The following DNAH5 variants were observed in gnomAD, a reference collection of about 807,000 sequenced individuals.
DNAH5 encodes the protein axonemal beta dynein heavy chain 5.
DNAH5 carries 372 observed loss-of-function variants against 518.2 expected under a neutral mutation model. The observed-to-expected ratio is 0.72, with a 90% CI of 0.66 to 0.78. The LOEUF (loss-of-function observed/expected upper bound fraction) is 0.78, where lower values mean the gene tolerates loss of function less well. Ranked by LOEUF, DNAH5 falls within the 30% of genes least tolerant of loss-of-function variation. DNAH5 has a pLI of 0.00. For synonymous variants in DNAH5, 2,039 were observed against 2,025.9 expected (o/e 1.01, Z -0.17); for missense variants, 5,523 against 5,687.0 (o/e 0.97, Z 0.93).
At chr5:13,927,499 C>T (rs1778008957) in intron 3 of DNAH5, among the ~76,000 whole-genome samples, 1 of 151,936 alleles carries the variant, frequency 6.6e-6, no homozygotes, top group Non-Finnish European at 1.5e-5. Flanking sequence ...CAGAGCGAGA[C>T]TCTGTCTCAA....
In DNAH5 at chr5:13,814,706, A is replaced by G. The variant is rs1159051964; in HGVS notation, c.7129T>C (p.Phe2377Leu). 1.9e-6 allele frequency: 3 copies of G among 1,613,988 alleles called. No individual in the cohort carries two copies. The highest frequency in any genetic ancestry group is 2.5e-6 in the Non-Finnish European group (3 of 1,179,976). Residue 2377 changes from phenylalanine to leucine, a missense_variant, in exon 43 of 79, where the codon TTC (phenylalanine) becomes CTC (leucine). By Grantham distance (22) the Phe-to-Leu change is conservative. Around this residue, in one of 3 missense-constraint regions of DNAH5, gnomAD observed 5,121 missense variants for 5,223.3 expected, o/e 0.98. Coordinates refer to ENST00000265104, the MANE Select transcript of DNAH5 (RefSeq NM_001369.3). ...IPMAPNCKII[F>L]EPHNIDNASP... is the part of the protein sequence containing the mutation. The stretch of plus-strand genomic sequence containing the variant: ...GCATTGTCAATGTTATGAGGCTCGA[A>G]AATGATCTTGCAGTTTGGAGCCATG...
intron 64 of DNAH5, 128 bp downstream of exon 64, chr5:13,752,006 G>A (rs941302496): frequency 3.2e-5 from 31 of 983,972 alleles, no homozygotes; most frequent in Non-Finnish European, 5.0e-5. Context: ...AAGTGTAGAA[G>A]AGAAAAACAA....
At position 13,776,652 on chromosome 5, in the gene DNAH5, A is replaced by T. The variant is rs1323156965; in HGVS notation, c.9160T>A (p.Ser3054Thr). 1.2e-6 allele frequency: 2 copies of T among 1,613,876 alleles called. No homozygotes were observed. The highest frequency in any genetic ancestry group is 4.5e-5 in the East Asian group (2 of 44,872). ...CTGGGGAATTCTTTTTTCATGACTG[A>T]TGCCAGGTCGCTATTAATTTCATCA... ...EIDEINSDLA[S>T]VMKKEFPRCL... Residue 3054 changes from serine to threonine, a missense_variant, in exon 55 of 79, where the codon TCA (serine) becomes ACA (threonine). Ser to Thr is a moderately conservative substitution (Grantham distance 58). Around this residue, in one of 3 missense-constraint regions of DNAH5, gnomAD observed 5,121 missense variants for 5,223.3 expected, o/e 0.98. Transcript: ENST00000265104.
chr5:13,715,928 C>T (rs1466758704), intron 74 of DNAH5, among the ~76,000 whole-genome samples: 3 of 152,180 alleles, frequency 2.0e-5, no homozygotes, highest in Non-Finnish European at 2.9e-5. Context: ...ACAGGCCAGC[C>T]CCCTACAACA....
chr5:13,862,585 C>T lies in DNAH5; in HGVS notation c.4759G>A (p.Asp1587Asn), dbSNP rs1165451852. The change falls in exon 29 of 79, where the codon GAC (aspartate) becomes AAC (asparagine). Residue 1587 changes from aspartate (D) to asparagine (N), a missense_variant. This residue lies in a region of DNAH5 where 5,121 missense variants were observed against 5,223.3 expected (regional missense o/e 0.98). Transcript: ENST00000265104. The stretch of plus-strand genomic sequence containing the variant: ...AGGGATCCCAGCAACATCAAGCTGT[C>T]CTCCATGTTGGCGATGATTTCCGAG... Reference protein sequence around the residue: ...STSEIIANMEDSLMLLGSLLS... With the variant: ...STSEIIANMENSLMLLGSLLS... 5.6e-6 allele frequency: 9 copies of T among 1,613,854 alleles called. No individual in the cohort carries two copies. The African/African-American group carries it at 1.1e-4, about 19-fold the overall frequency.
chr5:13,844,908 C>A lies in DNAH5; in HGVS notation c.5200G>T (p.Asp1734Tyr). The A allele has an allele frequency of 1.9e-6, 3 of 1,614,156 alleles. No individual in the cohort carries two copies. Among genetic ancestry groups the A allele is most frequent in the Non-Finnish European group, 2.5e-6 (3 of 1,180,016 alleles). The change falls in exon 32 of 79, where the codon GAC becomes TAC. Residue 1734 changes from aspartate (D) to tyrosine (Y), a missense_variant. By Grantham distance (160) the Asp-to-Tyr change is radical. Transcript: ENST00000265104. ...ALLEILGQAS[D>Y]SHTIQAHLLN... ...AAATGGGCCTGTATAGTGTGGGAGT[C>A]CGACGCCTGCCCCAGAATCTCTAGA...
At chr5:13,925,824 C>T (rs1777808937) in intron 3 of DNAH5, among the ~76,000 whole-genome samples, 2 of 152,124 alleles carry the variant, frequency 1.3e-5, no homozygotes, top group African/African-American at 4.8e-5. Context: ...TAAAGTGTTC[C>T]TACTTTTACC....
At chr5:13,963,968 G>A (rs934974258) in intron 1 of DNAH5, among the ~76,000 whole-genome samples, 4 of 151,916 alleles carry the variant, frequency 2.6e-5, no homozygotes, top group African/African-American at 9.7e-5. Context: ...GCACACAACC[G>A]CAAACTTCAA....
chr5:13,795,396 C>T (rs1041236090), intron 47 of DNAH5, among the ~76,000 whole-genome samples: 20 of 152,126 alleles, frequency 1.3e-4, no homozygotes, highest in Non-Finnish European at 2.5e-4. Flanking sequence ...GAAATAAAAA[C>T]TACCATCAGA....
In DNAH5 at chr5:13,923,334, C is replaced by T. The variant is rs201109037; in HGVS notation, c.384G>A (p.Val128=). 1 of 1,614,008 alleles carries T rather than the reference C, an allele frequency of 6.2e-7. No individual in the cohort carries two copies. The highest frequency in any genetic ancestry group is 8.5e-7 in the Non-Finnish European group (1 of 1,180,000). The change falls in exon 4 of 79, where the codon GTG becomes GTA. Residue 128 remains valine, a synonymous_variant. Coordinates refer to ENST00000265104, the MANE Select transcript of DNAH5 (RefSeq NM_001369.3). ...TGGAAGGGTCAGTCCTGATGAAGAA[C>T]ACACATACCCCAGTAAGAGCCACAT... ...GNDVALTGVC[V]FFIRTDPSKA... is the part of the protein sequence containing the mutation.
At chr5:13,756,689 T>TAC (rs1561185589) in intron 61 of DNAH5, among the ~76,000 whole-genome samples, 2 of 151,558 alleles carry the variant, frequency 1.3e-5, no homozygotes, top group Non-Finnish European at 2.9e-5. Context: ...CAGATAAGTG[T>TAC]TACTTCTTTT....
At chr5:13,724,491 A>T (rs1745461500) in intron 70 of DNAH5, among the ~76,000 whole-genome samples, 1 of 152,218 alleles carries the variant, frequency 6.6e-6, no homozygotes. Context: ...TTGATGCTGT[A>T]ACAAGTTAAG....
Position 13,830,611 on chromosome 5 carries a change from C to G in DNAH5, c.6047G>C (p.Gly2016Ala). ...ATAACCCATACCCTTAAAAATCCGT[C>G]CAAGTCCTCGGAAATCCATCTGGTC... Reference protein sequence around the residue: ...CSDQMDFRGLGRIFKGLAQSG... With the variant: ...CSDQMDFRGLARIFKGLAQSG... The change falls in exon 36 of 79, where the codon GGA (glycine) becomes GCA (alanine). Residue 2016 changes from glycine (G) to alanine (A), a missense_variant. Around this residue, in one of 3 missense-constraint regions of DNAH5, gnomAD observed 5,121 missense variants for 5,223.3 expected, o/e 0.98. Coordinates refer to ENST00000265104, the MANE Select transcript of DNAH5 (RefSeq NM_001369.3). The G allele has an allele frequency of 6.2e-7, 1 of 1,614,192 alleles. No homozygotes were observed. The highest frequency in any genetic ancestry group is 1.3e-5 in the African/African-American group (1 of 75,046).
intron 15 of DNAH5, chr5:13,899,558 A>G (rs2151960007): frequency 6.6e-6 from 1 of 152,594 alleles, no homozygotes; most frequent in African/African-American, 2.4e-5. Flanking sequence ...TTAAATGGGA[A>G]CTACTGATTC....
intron 1 of DNAH5, among the ~76,000 whole-genome samples, chr5:13,949,795 C>G (rs1780237337): frequency 6.6e-6 from 1 of 152,234 alleles, no homozygotes; most frequent in Non-Finnish European, 1.5e-5. Flanking sequence ...TAAGAAGTAT[C>G]TCTGTCTTCC....
intron 30 of DNAH5, among the ~76,000 whole-genome samples, chr5:13,856,681 C>T (rs1767681423): frequency 6.6e-6 from 1 of 152,194 alleles, no homozygotes; most frequent in South Asian, 2.1e-4. Context: ...ATCAAGTCAG[C>T]TTCATCCCTG....
chr5:13,701,417 G>A lies in DNAH5; in HGVS notation c.13358C>T (p.Thr4453Ile), dbSNP rs780719985. 29 of 1,612,236 alleles carry A rather than the reference G, an allele frequency of 1.8e-5. No individual in the cohort carries two copies. The highest frequency in any genetic ancestry group is 3.3e-5 in the Admixed American group (2 of 59,956). The stretch of plus-strand genomic sequence containing the variant: ...AAGTTCAGTAAACCAGAAACCCAGT[G>A]TACTAGAAATCCAAGAAGCCTGCAA... The part of the protein sequence containing the change: ...WWKKASWISS[T>I]LGFWFTELIE... Residue 4453 changes from threonine to isoleucine, a missense_variant, in exon 77 of 79, where the codon ACA (threonine) becomes ATA (isoleucine). Transcript: ENST00000265104.
At chr5:13,692,206 T>A in intron 78 of DNAH5, 71 bp from the exon 79 acceptor site, 1 of 1,535,388 alleles carries the variant, frequency 6.5e-7, no homozygotes, top group South Asian at 1.1e-5. Flanking sequence ...TGCAGAGCCA[T>A]GCTTCTGCAT....
intron 65 of DNAH5, among the ~76,000 whole-genome samples, chr5:13,747,079 C>T (rs954725945): frequency 1.3e-5 from 2 of 151,932 alleles, no homozygotes; most frequent in African/African-American, 4.8e-5. Context: ...TGAAGTTCCC[C>T]TTCCTGTGTC....
Sources: allele counts gnomAD v4.1 joint callset (sites outside exome capture counted in the v4.1 genomes callset), GRCh38; gene constraint gnomAD v4.1.1; regional missense constraint gnomAD v4.1.1; transcripts MANE v1.5; gene names NCBI Gene and HGNC (gene_info 2026-07-23, HGNC 2026-07-21).